The following MACROD2 variants were observed in gnomAD, a reference collection of about 807,000 sequenced individuals.
The protein encoded by MACROD2 is mono-ADP ribosylhydrolase 2.
Under a neutral mutation model 70.4 loss-of-function variants are expected in MACROD2, and 36 were observed. That is an observed-to-expected ratio of 0.51 (90% CI 0.39 to 0.68). MACROD2 has a LOEUF of 0.68. Ranked by LOEUF, MACROD2 falls within the 30% of genes least tolerant of loss-of-function variation. MACROD2 has a pLI of 0.00. For synonymous variants in MACROD2, 172 were observed against 178.8 expected (o/e 0.96, Z 0.30); for missense variants, 496 against 538.4 (o/e 0.92, Z 0.78).
At chr20:15,808,298 G>T (rs1012998604) in intron 8 of MACROD2, among the ~76,000 whole-genome samples, 5 of 152,094 alleles carry the variant, frequency 3.3e-5, no homozygotes, top group African/African-American at 4.8e-5. Context: ...GGAAAATAAA[G>T]AAACTGAACT....
At chr20:14,706,214 T>C (rs1445415706) in intron 5 of MACROD2, among the ~76,000 whole-genome samples, 1 of 151,668 alleles carries the variant, frequency 6.6e-6, no homozygotes, top group Admixed American at 6.6e-5. Flanking sequence ...CTGTGGAGGC[T>C]GAGGCAGGAG....
At chr20:14,537,793 G>A (rs2085384052) in intron 4 of MACROD2, among the ~76,000 whole-genome samples, 1 of 152,170 alleles carries the variant, frequency 6.6e-6, no homozygotes, top group African/African-American at 2.4e-5. Context: ...GGTTCATCCT[G>A]CTCATTTTCC....
At chr20:14,429,251 A>C (rs1361168910) in intron 3 of MACROD2, among the ~76,000 whole-genome samples, 1 of 152,170 alleles carries the variant, frequency 6.6e-6, no homozygotes, top group Non-Finnish European at 1.5e-5. Flanking sequence ...TTTCTTTTAC[A>C]CTAGGCCAGA....
intron 6 of MACROD2, among the ~76,000 whole-genome samples, chr20:15,329,840 T>G (rs1024631353): frequency 1.3e-5 from 2 of 152,040 alleles, no homozygotes; most frequent in Non-Finnish European, 2.9e-5. Context: ...TCAGGCGTGC[T>G]ACCCCAAAAT....
At chr20:15,959,708 A>AT (rs2066031898) in intron 12 of MACROD2, among the ~76,000 whole-genome samples, 1 of 151,806 alleles carries the variant, frequency 6.6e-6, no homozygotes, top group African/African-American at 2.4e-5. Context: ...GTTTTTTTAT[A>AT]TTTTTAGTAG....
intron 5 of MACROD2, among the ~76,000 whole-genome samples, chr20:15,201,665 A>G (rs1374096453): frequency 6.6e-6 from 1 of 152,192 alleles, no homozygotes; most frequent in African/African-American, 2.4e-5. Flanking sequence ...TTTTAGAGAA[A>G]GGATTTGACA....
intron 5 of MACROD2, among the ~76,000 whole-genome samples, chr20:15,103,556 C>G (rs543277240): frequency 6.6e-6 from 1 of 152,198 alleles, no homozygotes; most frequent in East Asian, 1.9e-4. Context: ...TTCTGTTGGA[C>G]CATTAGTATT....
chr20:14,364,527 C>T (rs777282070), intron 3 of MACROD2, among the ~76,000 whole-genome samples: 8 of 152,168 alleles, frequency 5.3e-5, no homozygotes, highest in Non-Finnish European at 1.2e-4. Flanking sequence ...TATGCAACCA[C>T]CGCCTCTATT....
intron 3 of MACROD2, among the ~76,000 whole-genome samples, chr20:14,158,097 C>A (rs1359215202): frequency 6.6e-6 from 1 of 151,986 alleles, no homozygotes; most frequent in Non-Finnish European, 1.5e-5. Flanking sequence ...CTTTCTTTGT[C>A]TTTTTAGTAA....
At chr20:15,306,845 C>T (rs2077702496) in intron 6 of MACROD2, among the ~76,000 whole-genome samples, 1 of 152,072 alleles carries the variant, frequency 6.6e-6, no homozygotes, top group Admixed American at 6.6e-5. Context: ...GTAACCGAGA[C>T]TGGATAATTT....
intron 8 of MACROD2, among the ~76,000 whole-genome samples, chr20:15,591,255 AG>A (rs2048676135): frequency 6.6e-6 from 1 of 152,210 alleles, no homozygotes; most frequent in Non-Finnish European, 1.5e-5. Flanking sequence ...GGAAAGTGAT[AG>A]TGTGAGTCTT....
intron 5 of MACROD2, among the ~76,000 whole-genome samples, chr20:15,178,002 A>G (rs1184465634): frequency 3.9e-5 from 6 of 151,970 alleles, no homozygotes; most frequent in Admixed American, 2.0e-4. Flanking sequence ...ATTGGTTTAC[A>G]CTTTGCATCA....
intron 5 of MACROD2, among the ~76,000 whole-genome samples, chr20:15,171,867 C>T (rs1280571416): frequency 2.0e-5 from 3 of 152,176 alleles, no homozygotes; most frequent in Non-Finnish European, 4.4e-5. Flanking sequence ...TCCCTGAAGA[C>T]TGGACCAGGT....
intron 5 of MACROD2, among the ~76,000 whole-genome samples, chr20:15,157,699 G>T (rs2076319199): frequency 6.6e-6 from 1 of 152,060 alleles, no homozygotes; most frequent in South Asian, 2.1e-4. Flanking sequence ...TCTATGAATT[G>T]TATCACCTGG....
intron 8 of MACROD2, among the ~76,000 whole-genome samples, chr20:15,845,848 A>G (rs1193642683): frequency 6.6e-6 from 1 of 152,212 alleles, no homozygotes; most frequent in South Asian, 2.1e-4. Flanking sequence ...AACAGAGTTT[A>G]GAGAAGTTAA....
chr20:16,031,780 A>T (rs59705966), intron 15 of MACROD2, among the ~76,000 whole-genome samples: 4,282 of 152,246 alleles, frequency 0.028, 175 homozygotes, highest in East Asian at 0.21. Flanking sequence ...ACGTATTATA[A>T]ATACATATAT....
At chr20:14,925,305 A>T (rs410996) in intron 5 of MACROD2, among the ~76,000 whole-genome samples, 31,125 of 151,944 alleles carry the variant, frequency 0.2, 3,522 homozygotes, top group South Asian at 0.37. Context: ...AAATCCAGGA[A>T]AAAGAAACAC....
chr20:14,844,732 A>G (rs1005106144), intron 5 of MACROD2, among the ~76,000 whole-genome samples: 2 of 152,072 alleles, frequency 1.3e-5, no homozygotes, highest in Admixed American at 1.3e-4. Context: ...TATGCTTACT[A>G]TAAATCAATC....
At chr20:15,735,530 T>C (rs980666425) in intron 8 of MACROD2, among the ~76,000 whole-genome samples, 1 of 152,192 alleles carries the variant, frequency 6.6e-6, no homozygotes, top group African/African-American at 2.4e-5. Flanking sequence ...ATTGTTAACA[T>C]GCTGTTTCAT....
Sources: allele counts gnomAD v4.1 joint callset (sites outside exome capture counted in the v4.1 genomes callset), GRCh38; gene constraint gnomAD v4.1.1; transcripts MANE v1.5; gene names NCBI Gene and HGNC (gene_info 2026-07-23, HGNC 2026-07-21).